Variants in MIR2052HG observed in about 807,000 individuals in gnomAD.
The protein encoded by MIR2052HG is MIR2052 host gene.
chr8:74,752,587 G>A, intron 5 of MIR2052HG: 1 of 442,880 alleles, frequency 2.3e-6, no homozygotes, highest in Non-Finnish European at 4.5e-6. Context: ...CAATATTTAT[G>A]TACTGTGGTT....
At chr8:74,662,063 A>AT (rs1259101324) in intron 2 of MIR2052HG, among the ~76,000 whole-genome samples, 2 of 152,202 alleles carry the variant, frequency 1.3e-5, no homozygotes, top group Non-Finnish European at 2.9e-5. Flanking sequence ...AGGCATAGTT[A>AT]TTCCAATTCA....
intron 4 of MIR2052HG, among the ~76,000 whole-genome samples, chr8:74,708,455 G>A (rs1809432866): frequency 6.6e-6 from 1 of 152,032 alleles, no homozygotes; most frequent in Admixed American, 6.6e-5. Flanking sequence ...GAAGAAGATG[G>A]GGCTTCTAAA....
At chr8:74,708,285 A>G (rs1264029826) in intron 4 of MIR2052HG, among the ~76,000 whole-genome samples, 1 of 152,166 alleles carries the variant, frequency 6.6e-6, no homozygotes, top group East Asian at 1.9e-4. Flanking sequence ...AGAATGACTA[A>G]TTTTAGTTGT....
chr8:74,601,305 C>A (rs1433335997), intron 1 of MIR2052HG, among the ~76,000 whole-genome samples: 2 of 152,178 alleles, frequency 1.3e-5, no homozygotes, highest in Non-Finnish European at 2.9e-5. Flanking sequence ...ATTCCTGGAA[C>A]TTGTTCTTCT....
At chr8:74,634,792 C>T (rs117348226) in intron 2 of MIR2052HG, among the ~76,000 whole-genome samples, 2,810 of 152,110 alleles carry the variant, frequency 0.018, 37 homozygotes, top group Non-Finnish European at 0.025. Flanking sequence ...AAGACAGAAA[C>T]GGACAACGAA....
intron 2 of MIR2052HG, among the ~76,000 whole-genome samples, chr8:74,655,690 A>G (rs2128736510): frequency 6.6e-6 from 1 of 152,318 alleles, no homozygotes; most frequent in African/African-American, 2.4e-5. Context: ...ACCCTCTGCT[A>G]GGGCAGTGCA....
intron 4 of MIR2052HG, among the ~76,000 whole-genome samples, chr8:74,744,336 T>TTTAG (rs1194239188): frequency 6.6e-6 from 1 of 151,926 alleles, no homozygotes; most frequent in Non-Finnish European, 1.5e-5. Flanking sequence ...TATTTATTTA[T>TTTAG]TATTATACTT....
chr8:74,635,395 A>G (rs772905480), intron 2 of MIR2052HG, among the ~76,000 whole-genome samples: 1 of 152,152 alleles, frequency 6.6e-6, no homozygotes, highest in Admixed American at 6.6e-5. Context: ...GGCCCAATGG[A>G]GATGTCATTT....
At chr8:74,659,600 C>T (rs1179181213) in intron 2 of MIR2052HG, among the ~76,000 whole-genome samples, 4 of 152,064 alleles carry the variant, frequency 2.6e-5, no homozygotes, top group African/African-American at 9.7e-5. Flanking sequence ...ACCACTGCAC[C>T]TGGCTAACTT....
intron 4 of MIR2052HG, among the ~76,000 whole-genome samples, chr8:74,719,079 T>G (rs1485451972): frequency 2.7e-5 from 4 of 146,604 alleles, no homozygotes. Flanking sequence ...TGTACATCTT[T>G]TTTTTTTTTT....
chr8:74,699,201 G>T (rs1563534524), intron 2 of MIR2052HG, among the ~76,000 whole-genome samples: 1 of 152,106 alleles, frequency 6.6e-6, no homozygotes, highest in African/African-American at 2.4e-5. Context: ...ACAGCATGGA[G>T]ATTCCCTGAA....
intron 2 of MIR2052HG, chr8:74,702,296 G>A (rs1563535337): frequency 3.5e-6 from 1 of 289,674 alleles, no homozygotes; most frequent in Non-Finnish European, 7.4e-6. Flanking sequence ...AAAAGAATAT[G>A]CATAGTTATA....
intron 2 of MIR2052HG, among the ~76,000 whole-genome samples, chr8:74,699,894 A>G (rs1563534737): frequency 6.6e-6 from 1 of 152,170 alleles, no homozygotes; most frequent in African/African-American, 2.4e-5. Flanking sequence ...TAAACAACCC[A>G]TACTTAGAAT....
intron 2 of MIR2052HG, among the ~76,000 whole-genome samples, chr8:74,682,021 C>T (rs781235597): frequency 4.6e-5 from 7 of 152,148 alleles, no homozygotes; most frequent in Non-Finnish European, 1.0e-4. Context: ...CACATAGCAT[C>T]ATTTCCAAAG....
intron 1 of MIR2052HG, among the ~76,000 whole-genome samples, chr8:74,603,011 C>A (rs1399494621): frequency 2.3e-4 from 23 of 101,644 alleles, no homozygotes; most frequent in East Asian, 2.6e-4. Context: ...ATTCATGAGC[C>A]AAAACAAAAC....
chr8:74,663,114 G>A (rs756974052), intron 2 of MIR2052HG, among the ~76,000 whole-genome samples: 6 of 151,986 alleles, frequency 3.9e-5, no homozygotes, highest in Non-Finnish European at 5.9e-5. Context: ...AAGTCCATTA[G>A]CATTACTTAT....
At chr8:74,730,197 AC>A in intron 4 of MIR2052HG, among the ~76,000 whole-genome samples, 1 of 152,174 alleles carries the variant, frequency 6.6e-6, no homozygotes, top group East Asian at 1.9e-4. Context: ...AAGCAAGGCT[AC>A]AATTTATTCC....
chr8:74,686,139 T>G (rs888561812), intron 2 of MIR2052HG, among the ~76,000 whole-genome samples: 1 of 151,906 alleles, frequency 6.6e-6, no homozygotes, highest in African/African-American at 2.4e-5. Context: ...TCTACTGTCC[T>G]TACTGGAACT....
intron 1 of MIR2052HG, among the ~76,000 whole-genome samples, chr8:74,602,817 G>GTTTCTTTTTCTTTCTTTCTTTC (rs1808023274): frequency 1.4e-5 from 1 of 73,786 alleles, no homozygotes; most frequent in African/African-American, 6.3e-5. Context: ...GCCCGGCCGT[G>GTTTCTTTTTCTTTCTTTCTTTC]TTTCTTTCTT....
Sources: allele counts gnomAD v4.1 joint callset (sites outside exome capture counted in the v4.1 genomes callset), GRCh38; gene constraint gnomAD v4.1.1; transcripts MANE v1.5; gene names NCBI Gene and HGNC (gene_info 2026-07-23, HGNC 2026-07-21).